The following TCF20 variants were observed in gnomAD, a reference collection of about 807,000 sequenced individuals.
TCF20 encodes SPRE-binding protein.
In TCF20, 3 loss-of-function variants were observed where a neutral mutation model predicts 148.6. That is an observed-to-expected ratio of 0.02 (90% CI 0.01 to 0.05). The LOEUF is 0.05. Ranked by LOEUF, TCF20 falls within the 10% of genes least tolerant of loss-of-function variation. The pLI is 1.00. For synonymous variants in TCF20, 1,049 were observed against 909.5 expected, an observed-to-expected ratio of 1.15 and a Z score of -2.76; for missense variants, 2,350 against 2,429.3, an observed-to-expected ratio of 0.97 and a Z score of 0.69.
At chr22:42,193,176 GA>G (rs1937424007) in intron 2 of TCF20, among the ~76,000 whole-genome samples, 1 of 151,474 alleles carries the variant, frequency 6.6e-6, no homozygotes, top group African/African-American at 2.4e-5. Flanking sequence ...AGGAAAAAAA[GA>G]AAAGGAAACT....
intron 2 of TCF20, among the ~76,000 whole-genome samples, chr22:42,190,686 C>T (rs1334908284): frequency 6.6e-6 from 1 of 152,228 alleles, no homozygotes; most frequent in South Asian, 2.1e-4. Context: ...TGCTGCCACA[C>T]AAAGGGGTTC....
chr22:42,256,130 A>G (rs1030277887), intron 1 of TCF20, among the ~76,000 whole-genome samples: 1 of 152,068 alleles, frequency 6.6e-6, no homozygotes, highest in Non-Finnish European at 1.5e-5. Flanking sequence ...TATTCTTCCC[A>G]TACTTGATCA....
chr22:42,160,425 C>A lies in TCF20; in HGVS notation c.*978G>T, dbSNP rs1416836632. ...ACACTGCCAGCTCTGGCAACACAGGCCTGGACCTCCTCCCATCCCCACGGG... is the reference window on the plus strand; with the variant it reads ...ACACTGCCAGCTCTGGCAACACAGGACTGGACCTCCTCCCATCCCCACGGG... On this transcript the variant is annotated 3_prime_UTR_variant, in exon 6 of 6. Transcript: ENST00000677622. 1 of 152,742 alleles carries A rather than the reference C, an allele frequency of 6.5e-6. No homozygotes were observed. The highest frequency in any genetic ancestry group is 1.5e-5 in the Non-Finnish European group (1 of 68,126). The allele number at this position is 152,742 out of a possible 1,614,324, so 9.5% of individuals were successfully genotyped here. A position where few individuals can be genotyped will look rare whatever the true frequency, so the allele number is the denominator to read the frequency against.
intron 2 of TCF20, among the ~76,000 whole-genome samples, chr22:42,208,255 ATTC>A (rs1010459903): frequency 8.5e-5 from 13 of 152,216 alleles, no homozygotes; most frequent in Non-Finnish European, 1.6e-4. Flanking sequence ...GGCTCTGATT[ATTC>A]TTTAAAAGTC....
chr22:42,161,610 G>GGGCATGTC (rs888208855), intron 5 of TCF20, among the ~76,000 whole-genome samples: 11 of 152,186 alleles, frequency 7.2e-5, no homozygotes, highest in African/African-American at 4.8e-5. Flanking sequence ...GGGCTCCTCA[G>GGGCATGTC]GGCATGTCTG....
intron 3 of TCF20, among the ~76,000 whole-genome samples, chr22:42,174,149 T>C (rs1343043759): frequency 1.3e-5 from 2 of 152,118 alleles, no homozygotes; most frequent in Non-Finnish European, 2.9e-5. Flanking sequence ...TTGCCTGAAC[T>C]TGGGTTGAGG....
At chr22:42,205,578 G>A (rs1024850900) in intron 2 of TCF20, among the ~76,000 whole-genome samples, 1 of 152,176 alleles carries the variant, frequency 6.6e-6, no homozygotes, top group African/African-American at 2.4e-5. Context: ...AACCTAGTAA[G>A]ATAAAACTAG....
intron 1 of TCF20, among the ~76,000 whole-genome samples, chr22:42,311,624 C>T (rs947884420): frequency 6.6e-6 from 1 of 152,190 alleles, no homozygotes; most frequent in Non-Finnish European, 1.5e-5. Flanking sequence ...ATCATGCAGA[C>T]CCCAGGCCTG....
In TCF20 at chr22:42,172,106, T is replaced by G. The variant is rs1936166249; in HGVS notation, c.5750-2210A>C. ...ATGAAGTCTCCTACAGCAATCTGCC[T>G]GAGGCAGTGTCCATCTCTGACAAGG... On this transcript the variant is annotated intron_variant, in intron 3 of 5. Transcript: ENST00000677622. 2.0e-5 allele frequency among the ~76,000 whole-genome samples: 3 copies of G among 152,264 alleles called. No homozygotes were observed. The South Asian group carries it at 6.2e-4, about 31-fold the overall frequency.
intron 1 of TCF20, among the ~76,000 whole-genome samples, chr22:42,310,302 C>T (rs909906082): frequency 2.6e-5 from 4 of 152,130 alleles, no homozygotes; most frequent in Non-Finnish European, 5.9e-5. Flanking sequence ...TAAGGGCCTA[C>T]TATGTGCCAG....
chr22:42,257,191 A>G (rs1378321580), intron 1 of TCF20, among the ~76,000 whole-genome samples: 2 of 152,066 alleles, frequency 1.3e-5, no homozygotes, highest in Non-Finnish European at 2.9e-5. Flanking sequence ...CAGGAGAAAT[A>G]CCCAGCATTC....
At chr22:42,199,994 T>C (rs142097116) in intron 2 of TCF20, among the ~76,000 whole-genome samples, 65 of 152,238 alleles carry the variant, frequency 4.3e-4, no homozygotes, top group Non-Finnish European at 7.1e-4. Flanking sequence ...ACAGACCTCA[T>C]GATTTCCTAT....
At chr22:42,308,179 G>A (rs551296326) in intron 1 of TCF20, among the ~76,000 whole-genome samples, 1 of 152,296 alleles carries the variant, frequency 6.6e-6, no homozygotes, top group South Asian at 2.1e-4. Flanking sequence ...GGTGGGGAGA[G>A]GGGGCTATGG....
At position 42,212,982 on chromosome 22, in the gene TCF20, T is replaced by C. The variant is rs779519936; in HGVS notation, c.2324A>G (p.His775Arg). The change falls in exon 2 of 6, where the codon CAT becomes CGT. Residue 775 changes from histidine (H) to arginine (R), a missense_variant. By Grantham distance (29) the His-to-Arg change is conservative (BLOSUM62 0). This residue lies in a region of TCF20 where 1,641 missense variants were observed against 1,662.6 expected (regional missense o/e 0.99). Coordinates refer to ENST00000677622, the MANE Select transcript of TCF20 (RefSeq NM_001378418.1). The stretch of plus-strand genomic sequence containing the variant: ...TTCTAGGCTACCAGCCATCCCCTGA[T>C]GCTCTTGAGTACTCCTAGAATATCT... ...DRRYSRSTQE[H>R]QGMAGSLEGT... 2 of 1,614,210 alleles carry C rather than the reference T, an allele frequency of 1.2e-6. No individual in the cohort carries two copies. Among genetic ancestry groups the C allele is most frequent in the African/African-American group, 1.3e-5 (1 of 75,058 alleles).
chr22:42,241,277 A>G (rs1330426020), intron 1 of TCF20, among the ~76,000 whole-genome samples: 1 of 152,254 alleles, frequency 6.6e-6, no homozygotes, highest in African/African-American at 2.4e-5. Context: ...TGTCCAGCAC[A>G]CAAACATATG....
upstream of TCF20, among the ~76,000 whole-genome samples, chr22:42,286,624 G>A (rs1185151354): frequency 6.6e-6 from 1 of 152,232 alleles, no homozygotes; most frequent in Non-Finnish European, 1.5e-5. Context: ...AGAGCAAGGT[G>A]TCCAGAGGAC....
intron 1 of TCF20, among the ~76,000 whole-genome samples, chr22:42,333,234 G>A (rs1215308014): frequency 6.6e-6 from 1 of 152,058 alleles, no homozygotes; most frequent in East Asian, 1.9e-4. Flanking sequence ...AGGCTTTAGG[G>A]GATGGTGCAC....
At chr22:42,251,205 T>G (rs1307048144) in intron 1 of TCF20, among the ~76,000 whole-genome samples, 2 of 152,106 alleles carry the variant, frequency 1.3e-5, no homozygotes, top group Non-Finnish European at 2.9e-5. Context: ...GGTTTTTCTG[T>G]TTGTTTATTG....
chr22:42,336,543 G>A (rs927609209), intron 1 of TCF20, among the ~76,000 whole-genome samples: 1 of 149,830 alleles, frequency 6.7e-6, no homozygotes, highest in Non-Finnish European at 1.5e-5. Context: ...TCCTTCACCC[G>A]TCTCTGCCTC....
Sources: gnomAD v4.1 joint callset for allele counts (sites outside exome capture counted in the v4.1 genomes callset) on GRCh38, gnomAD v4.1.1 for gene constraint, gnomAD v4.1.1 regional missense constraint, MANE v1.5 for transcripts, NCBI Gene and HGNC (gene_info 2026-07-23, HGNC 2026-07-21) for gene names.